ERCC6L2: variants seen among roughly 807,000 people sequenced by gnomAD.
ERCC6L2 encodes the protein DNA excision repair protein ERCC-6-like 2.
A neutral mutation model predicts 132.0 loss-of-function variants in ERCC6L2; 77 were observed. The ratio of observed to expected loss-of-function variants is 0.58; its 90% CI spans 0.49 to 0.71. The LOEUF is 0.71. ERCC6L2 is among the 30% of genes least tolerant of loss of function. The pLI is 0.00. For synonymous variants in ERCC6L2, 583 were observed against 632.4 expected, an observed-to-expected ratio of 0.92 and a Z score of 1.17; for missense variants, 1,542 against 1,837.6, an observed-to-expected ratio of 0.84 and a Z score of 2.94.
intron 11 of ERCC6L2, among the ~76,000 whole-genome samples, chr9:95,936,667 T>C (rs2132847949): frequency 6.6e-6 from 1 of 152,294 alleles, no homozygotes; most frequent in East Asian, 1.9e-4. Flanking sequence ...CTTGTAAAAC[T>C]GTAGTACATT....
chr9:95,878,432 GCTGA>G (rs962056817), intron 1 of ERCC6L2, among the ~76,000 whole-genome samples: 23 of 152,132 alleles, frequency 1.5e-4, no homozygotes, highest in African/African-American at 4.6e-4. Flanking sequence ...AGGTTTAAGG[GCTGA>G]CTAATGGTTT....
intron 12 of ERCC6L2, among the ~76,000 whole-genome samples, chr9:95,955,310 GT>G (rs780431841): frequency 6.6e-5 from 10 of 151,828 alleles, no homozygotes; most frequent in African/African-American, 1.5e-4. Flanking sequence ...CTAAGTTGTG[GT>G]TTTTTTTACT....
At chr9:96,029,069 T>C (rs1478404254) in intron 19 of ERCC6L2, among the ~76,000 whole-genome samples, 8 of 151,378 alleles carry the variant, frequency 5.3e-5, no homozygotes, top group South Asian at 2.1e-4. Context: ...CTTTGGGAGG[T>C]CAAGGTGGGC....
intron 12 of ERCC6L2, among the ~76,000 whole-genome samples, chr9:95,951,164 A>G (rs1831314098): frequency 6.6e-6 from 1 of 152,196 alleles, no homozygotes; most frequent in South Asian, 2.1e-4. Context: ...TCAACAGCGG[A>G]AGAAAAATTG....
chr9:95,980,810 A>G (rs1240772762), intron 17 of ERCC6L2, among the ~76,000 whole-genome samples: 3 of 152,180 alleles, frequency 2.0e-5, no homozygotes, highest in Non-Finnish European at 4.4e-5. Flanking sequence ...AGACTCAATC[A>G]TAGTGTTAGA....
rs3780574 is a variant in ERCC6L2, at chr9:95,972,609, A to T, written c.2858A>T (p.Asn953Ile). The T allele has an allele frequency of 0.12, 159,591 of 1,289,562 alleles. 10,776 individuals carry two copies. Among genetic ancestry groups the T allele is most frequent in the South Asian group, 0.23 (18,805 of 80,678 alleles). The allele number at this position is 1,289,562 out of a possible 1,614,324, so 79.9% of individuals were successfully genotyped here. Residue 953 changes from asparagine to isoleucine, a missense_variant, in exon 16 of 19, where the codon AAT becomes ATT. This residue lies in a region of ERCC6L2 where 945 missense variants were observed against 1,105.2 expected (regional missense o/e 0.86). Coordinates refer to ENST00000653738, the MANE Select transcript of ERCC6L2 (RefSeq NM_020207.7). The part of the protein sequence containing the change: ...DNSRNTDDKR[N>I]GIISKKLSPE... ...AGTCGAAACACTGATGACAAAAGAA[A>T]TGGAATAATTTCAAAAAAGTTAAGT...
chr9:95,984,904 A>G (rs1191929406), intron 17 of ERCC6L2, among the ~76,000 whole-genome samples: 2 of 152,168 alleles, frequency 1.3e-5, no homozygotes, highest in African/African-American at 4.8e-5. Context: ...TCATTGATTA[A>G]ATATATTACG....
intron 17 of ERCC6L2, among the ~76,000 whole-genome samples, chr9:95,997,014 C>G (rs1833493818): frequency 6.6e-6 from 1 of 152,208 alleles, no homozygotes; most frequent in Non-Finnish European, 1.5e-5. Flanking sequence ...GGGAGAATCA[C>G]TTGAAACCAG....
chr9:96,000,488 G>A lies in ERCC6L2; in HGVS notation c.3493-4032G>A, dbSNP rs73536552. ...GTCACTTTTAAATCCCTTAAGGGTA[G>A]GGGAATATTTGTATATATAAATATC... On this transcript the variant is annotated intron_variant, in intron 17 of 18. Coordinates refer to ENST00000653738, the MANE Select transcript of ERCC6L2 (RefSeq NM_020207.7). Among the ~76,000 whole-genome samples, 444 of 152,310 alleles carry A rather than the reference G, an allele frequency of 2.9e-3. 4 individuals carry two copies. The highest frequency in any genetic ancestry group is 0.01 in the African/African-American group (432 of 41,570).
At chr9:96,020,666 C>T (rs565221953), downstream of ERCC6L2, 49 of 411,240 alleles carry the variant, frequency 1.2e-4, 1 homozygote, top group African/African-American at 7.7e-4. Flanking sequence ...TGATGGAATG[C>T]CCTCCCAATG....
chr9:95,916,349 A>G lies in ERCC6L2; in HGVS notation c.1073A>G (p.Gln358Arg). 1.9e-6 allele frequency: 3 copies of G among 1,612,414 alleles called. No individual in the cohort carries two copies. The highest frequency in any genetic ancestry group is 1.7e-4 in the Middle Eastern group (1 of 6,038). The change falls in exon 6 of 19, where the codon CAA (glutamine) becomes CGA (arginine). Residue 358 changes from glutamine (Q) to arginine (R), a missense_variant. Around this residue, in one of 4 missense-constraint regions of ERCC6L2, gnomAD observed 945 missense variants for 1,105.2 expected, o/e 0.86. Coordinates refer to ENST00000653738, the MANE Select transcript of ERCC6L2 (RefSeq NM_020207.7). ...RELATGRKAM[Q>R]RLAKKMSGWF... ...CTAGCCACTGGCCGAAAGGCCATGCAAAGACTTGCCAAAAAGATGTCTGGC... is the reference window on the plus strand; with the variant it reads ...CTAGCCACTGGCCGAAAGGCCATGCGAAGACTTGCCAAAAAGATGTCTGGC...
chr9:96,030,915 T>C (rs948955276), intron 19 of ERCC6L2, among the ~76,000 whole-genome samples: 1 of 152,154 alleles, frequency 6.6e-6, no homozygotes, highest in African/African-American at 2.4e-5. Flanking sequence ...GTGAAGCCTT[T>C]GCCCAGGCTT....
chr9:95,876,614 A>C (rs1827284664), intron 1 of ERCC6L2: 1 of 152,326 alleles, frequency 6.6e-6, no homozygotes, highest in Non-Finnish European at 1.5e-5. Context: ...AGAAGGTGTG[A>C]TTATCTACCA....
intron 2 of ERCC6L2, among the ~76,000 whole-genome samples, chr9:95,894,573 C>T (rs970319221): frequency 2.1e-5 from 3 of 142,342 alleles, no homozygotes; most frequent in Admixed American, 7.1e-5. Context: ...TGTGGCCTGG[C>T]ATATGTCAGC....
downstream of ERCC6L2, chr9:96,021,733 G>T (rs1316421371): frequency 6.6e-6 from 1 of 151,844 alleles, no homozygotes; most frequent in Non-Finnish European, 1.5e-5. This position sits in a 1 kb window ranked among gnomAD's most constrained non-coding sequence, Gnocchi z 4.7. Context: ...ACTGGATCCC[G>T]CGCGCGTCGC....
intron 17 of ERCC6L2, 86 bp from the exon 18 acceptor site, chr9:96,004,432 GTA>G: frequency 1.6e-6 from 1 of 643,830 alleles, no homozygotes; most frequent in Non-Finnish European, 2.4e-6. Context: ...ATTATAAAGA[GTA>G]TTGAGAAAAA....
At chr9:95,942,686 A>C (rs1830861862) in intron 12 of ERCC6L2, among the ~76,000 whole-genome samples, 3 of 152,298 alleles carry the variant, frequency 2.0e-5, no homozygotes, top group African/African-American at 7.2e-5. Context: ...AATCCCAGAA[A>C]TCATCATCTG....
intron 17 of ERCC6L2, among the ~76,000 whole-genome samples, chr9:96,001,331 T>G (rs916783407): frequency 5.3e-5 from 8 of 152,152 alleles, no homozygotes; most frequent in African/African-American, 1.9e-4. Context: ...TCCTGCTGAT[T>G]GGTGGAGCCG....
chr9:95,892,287 C>A (rs1828212380), intron 2 of ERCC6L2, among the ~76,000 whole-genome samples: 1 of 151,252 alleles, frequency 6.6e-6, no homozygotes, highest in Non-Finnish European at 1.5e-5. Flanking sequence ...CCTCTAGGGA[C>A]CTAGGGAGAA....
Sources: allele counts gnomAD v4.1 joint callset (sites outside exome capture counted in the v4.1 genomes callset), GRCh38; gene constraint gnomAD v4.1.1; regional missense constraint gnomAD v4.1.1; non-coding constraint Gnocchi (gnomAD v3.1); transcripts MANE v1.5; gene names NCBI Gene and HGNC (gene_info 2026-07-23, HGNC 2026-07-21).